EPB41L5: variants seen among roughly 807,000 people sequenced by gnomAD.
EPB41L5 encodes the protein band 4.1-like protein 5.
A neutral mutation model predicts 106.6 loss-of-function variants in EPB41L5; 55 were observed. The observed-to-expected ratio is 0.52, with a 90% CI of 0.42 to 0.65. EPB41L5 has a LOEUF of 0.65. Among genes scored for constraint, EPB41L5 ranks in the 30% least tolerant of loss-of-function variants. EPB41L5 has a pLI of 0.00. For synonymous variants in EPB41L5, 297 were observed against 306.7 expected (o/e 0.97, Z 0.33); for missense variants, 871 against 882.1 (o/e 0.99, Z 0.16).
Position 120,074,083 on chromosome 2 carries a change from T to C in EPB41L5, c.329-17T>C, listed in dbSNP as rs550132757. The C allele has an allele frequency of 1.9e-6, 3 of 1,578,716 alleles. No homozygotes were observed. The South Asian group carries it at 3.6e-5, about 19-fold the overall frequency. ...GTAGTTTATTTTATTAAAACCTTTT[T>C]TTTTTTTAAATGACAGTTGGTTCAC... On this transcript the variant is annotated splice_polypyrimidine_tract_variant and intron_variant, in intron 4 of 24. Transcript: ENST00000263713.
chr2:120,123,646 CTTTT>C (rs869296989), intron 16 of EPB41L5, among the ~76,000 whole-genome samples: 4 of 68,302 alleles, frequency 5.9e-5, no homozygotes, highest in Non-Finnish European at 8.3e-5. Flanking sequence ...GTGTTCGTCC[CTTTT>C]TTTTTTTTTT....
chr2:120,069,308 C>G (rs983249825), intron 3 of EPB41L5, among the ~76,000 whole-genome samples: 1 of 151,974 alleles, frequency 6.6e-6, no homozygotes, highest in African/African-American at 2.4e-5. Flanking sequence ...TAGGAGCACC[C>G]AGATTCATAA....
intron 16 of EPB41L5, among the ~76,000 whole-genome samples, chr2:120,119,448 G>A (rs1331805167): frequency 6.6e-6 from 1 of 152,006 alleles, no homozygotes; most frequent in Non-Finnish European, 1.5e-5. Context: ...GTCGTGAATG[G>A]TATTGCCTTG....
intron 14 of EPB41L5, among the ~76,000 whole-genome samples, chr2:120,097,320 C>T (rs1484196922): frequency 6.6e-6 from 1 of 152,186 alleles, no homozygotes; most frequent in Non-Finnish European, 1.5e-5. Flanking sequence ...GTTGTATGCC[C>T]TTTCACTCTT....
At chr2:120,055,157 C>G (rs2105262167) in intron 3 of EPB41L5, among the ~76,000 whole-genome samples, 1 of 150,848 alleles carries the variant, frequency 6.6e-6, no homozygotes, top group East Asian at 1.9e-4. Flanking sequence ...GCCACCATGC[C>G]CGGCCTGTTC....
chr2:120,116,637 G>C (rs1247719859), intron 16 of EPB41L5, among the ~76,000 whole-genome samples: 1 of 152,004 alleles, frequency 6.6e-6, no homozygotes, highest in Non-Finnish European at 1.5e-5. Context: ...TCTCACTTCA[G>C]CCTCCCAAGT....
At chr2:120,083,623 C>T (rs1329156645) in intron 10 of EPB41L5, among the ~76,000 whole-genome samples, 1 of 152,158 alleles carries the variant, frequency 6.6e-6, no homozygotes, top group Non-Finnish European at 1.5e-5. Context: ...ATTAGTTCCG[C>T]TTGATGCAGA....
intron 20 of EPB41L5, among the ~76,000 whole-genome samples, chr2:120,151,785 T>G (rs1475044330): frequency 6.6e-6 from 1 of 151,136 alleles, no homozygotes; most frequent in Non-Finnish European, 1.5e-5. Context: ...CCCAGCTAAT[T>G]TTTGTATTTT....
intron 24 of EPB41L5, among the ~76,000 whole-genome samples, chr2:120,168,752 G>A (rs1001595057): frequency 3.3e-5 from 5 of 152,196 alleles, no homozygotes; most frequent in African/African-American, 9.7e-5. Context: ...TGTCTCCACA[G>A]TGTTCAAAGT....
In EPB41L5 at chr2:120,102,628, G is replaced by A. The variant is rs568604730; in HGVS notation, c.1337+1814G>A. Among the ~76,000 whole-genome samples the A allele has an allele frequency of 1.1e-3, 171 of 152,222 alleles. 1 individual carries two copies. Among genetic ancestry groups the A allele is most frequent in the African/African-American group, 3.9e-3 (161 of 41,564 alleles). ...AAATTTGGAAATGCTTCCTATGTTTGAACAATTGGGCAGAATAATGGACCA... is the reference window on the plus strand; with the variant it reads ...AAATTTGGAAATGCTTCCTATGTTTAAACAATTGGGCAGAATAATGGACCA... On this transcript the variant is annotated intron_variant, in intron 16 of 24. Coordinates refer to ENST00000263713, the MANE Select transcript of EPB41L5 (RefSeq NM_020909.4).
chr2:120,151,680 G>A (rs1181600038), intron 20 of EPB41L5, among the ~76,000 whole-genome samples: 2 of 147,880 alleles, frequency 1.4e-5, no homozygotes, highest in African/African-American at 5.0e-5. Flanking sequence ...GCAATGGCGC[G>A]ATTTTGGTTC....
chr2:120,146,439 C>A, intron 20 of EPB41L5, 150 bp downstream of exon 20: 1 of 536,246 alleles, frequency 1.9e-6, no homozygotes, highest in Non-Finnish European at 3.4e-6. Flanking sequence ...CCACTTAGTA[C>A]CTAGTTTTAT....
chr2:120,061,030 A>ATTTTT (rs1487982867), intron 3 of EPB41L5, among the ~76,000 whole-genome samples: 5 of 63,098 alleles, frequency 7.9e-5, no homozygotes, highest in Admixed American at 1.8e-4. Flanking sequence ...GGTTCAGGGA[A>ATTTTT]GTTTTTTTTT....
rs746314468 is a variant in EPB41L5 at position 120,100,781 on chromosome 2, A to C, written c.1304A>C (p.Gln435Pro). Residue 435 changes from glutamine (Q) to proline (P), a missense_variant, in exon 16 of 25, where the codon CAG (glutamine) becomes CCG (proline). Coordinates refer to ENST00000263713, the MANE Select transcript of EPB41L5 (RefSeq NM_020909.4). Reference protein sequence around the residue: ...PVPVEIENLPQSPGTDQHDRK... With the variant: ...PVPVEIENLPPSPGTDQHDRK... Reference sequence around the variant, plus strand: ...CCAGTGGAGATAGAGAATCTTCCACAGAGTCCTGGAACAGACCAGCATGAC... The same window carrying C: ...CCAGTGGAGATAGAGAATCTTCCACCGAGTCCTGGAACAGACCAGCATGAC... 6.2e-7 allele frequency: 1 copy of C among 1,611,452 alleles called. No individual in the cohort carries two copies.
chr2:120,024,899 G>A (rs1305758734), intron 2 of EPB41L5, among the ~76,000 whole-genome samples: 4 of 152,144 alleles, frequency 2.6e-5, no homozygotes, highest in South Asian at 4.1e-4. Flanking sequence ...CGCTGGATTC[G>A]GTTCGCCAGT....
chr2:120,042,840 G>C (rs1679484308), intron 3 of EPB41L5, among the ~76,000 whole-genome samples: 1 of 152,068 alleles, frequency 6.6e-6, no homozygotes, highest in African/African-American at 2.4e-5. Context: ...TTTTTGTAGA[G>C]ATATGTAGGA....
chr2:120,136,225 C>G (rs977424346), intron 18 of EPB41L5, among the ~76,000 whole-genome samples: 27 of 148,182 alleles, frequency 1.8e-4, no homozygotes, highest in African/African-American at 6.7e-4. Context: ...ATTTGCAAAC[C>G]TCATGGTAAC....
chr2:120,105,877 G>T, intron 16 of EPB41L5: 1 of 985,224 alleles, frequency 1.0e-6, no homozygotes, highest in Non-Finnish European at 1.2e-6. Context: ...TCTGGGTTGT[G>T]CCATTCAAGA....
chr2:120,049,236 T>C (rs1274602051), intron 3 of EPB41L5, among the ~76,000 whole-genome samples: 2 of 152,326 alleles, frequency 1.3e-5, no homozygotes, highest in East Asian at 3.9e-4. Context: ...TCTGTCTTGT[T>C]GATCTGTCTG....
Sources: allele counts gnomAD v4.1 joint callset (sites outside exome capture counted in the v4.1 genomes callset), GRCh38; gene constraint gnomAD v4.1.1; transcripts MANE v1.5; gene names NCBI Gene and HGNC (gene_info 2026-07-23, HGNC 2026-07-21).